The following MACROD2 variants were observed in gnomAD, a reference collection of about 807,000 sequenced individuals.
The protein encoded by MACROD2 is mono-ADP ribosylhydrolase 2, also known as ADP-ribose glycohydrolase MACROD2.
A neutral mutation model predicts 70.4 loss-of-function variants in MACROD2; 36 were observed. The ratio of observed to expected loss-of-function variants is 0.51; its 90% CI spans 0.39 to 0.68. The LOEUF (loss-of-function observed/expected upper bound fraction) is 0.68, where lower values mean the gene tolerates loss of function less well. Ranked by LOEUF, MACROD2 falls within the 30% of genes least tolerant of loss-of-function variation. The pLI is 0.00. For synonymous variants in MACROD2, 172 were observed against 178.8 expected, an observed-to-expected ratio of 0.96 and a Z score of 0.30; for missense variants, 496 against 538.4, an observed-to-expected ratio of 0.92 and a Z score of 0.78.
intron 6 of MACROD2, among the ~76,000 whole-genome samples, chr20:15,289,553 C>T (rs1033725716): frequency 6.6e-6 from 1 of 152,156 alleles, no homozygotes; most frequent in Non-Finnish European, 1.5e-5. Flanking sequence ...CAGGATGAAA[C>T]AACCGTGAAG....
At chr20:15,903,424 C>A (rs529062522) in intron 10 of MACROD2, among the ~76,000 whole-genome samples, 2 of 152,274 alleles carry the variant, frequency 1.3e-5, no homozygotes, top group South Asian at 4.2e-4. Context: ...ACAGCAGCAA[C>A]AGAGAGTGAA....
intron 7 of MACROD2, among the ~76,000 whole-genome samples, chr20:15,483,942 T>C (rs1450547077): frequency 1.3e-5 from 2 of 152,120 alleles, no homozygotes; most frequent in Non-Finnish European, 2.9e-5. Context: ...AATTGCTTAT[T>C]TTCTCCAGGA....
At chr20:15,882,971 A>G (rs189231243) in intron 9 of MACROD2, among the ~76,000 whole-genome samples, 204 of 152,066 alleles carry the variant, frequency 1.3e-3, no homozygotes, top group South Asian at 6.2e-3. Context: ...AATAGCATTG[A>G]CTACCATATG....
intron 8 of MACROD2, among the ~76,000 whole-genome samples, chr20:15,787,632 G>C (rs974217107): frequency 6.6e-6 from 1 of 152,140 alleles, no homozygotes; most frequent in Admixed American, 6.5e-5. Flanking sequence ...ACAAAGGAAT[G>C]ATTTTGATAT....
chr20:15,397,298 AT>A (rs948879465), intron 6 of MACROD2, among the ~76,000 whole-genome samples: 3 of 150,970 alleles, frequency 2.0e-5, no homozygotes, highest in Non-Finnish European at 3.0e-5. Context: ...TTTCTTTTTA[AT>A]TTTTTTTTAT....
chr20:15,129,343 A>C (rs899099818), intron 5 of MACROD2, among the ~76,000 whole-genome samples: 2 of 152,114 alleles, frequency 1.3e-5, no homozygotes, highest in Non-Finnish European at 2.9e-5. Flanking sequence ...TGGAATCCTT[A>C]GAAATACCAT....
At chr20:15,299,621 C>T (rs943375373) in intron 6 of MACROD2, among the ~76,000 whole-genome samples, 3 of 152,212 alleles carry the variant, frequency 2.0e-5, no homozygotes, top group African/African-American at 7.2e-5. Flanking sequence ...ATTTATGCTT[C>T]TGTGACCATC....
chr20:15,767,335 C>G (rs1448895295), intron 8 of MACROD2, among the ~76,000 whole-genome samples: 2 of 152,170 alleles, frequency 1.3e-5, no homozygotes, highest in Non-Finnish European at 2.9e-5. Flanking sequence ...GTTGTATAGT[C>G]TGTGCACCGC....
intron 5 of MACROD2, among the ~76,000 whole-genome samples, chr20:15,038,849 A>G (rs544509121): frequency 6.6e-6 from 1 of 152,208 alleles, no homozygotes; most frequent in Non-Finnish European, 1.5e-5. Flanking sequence ...AGGAAACATG[A>G]TATGAAGTAG....
chr20:14,231,491 A>G (rs1307988199), intron 3 of MACROD2, among the ~76,000 whole-genome samples: 1 of 152,160 alleles, frequency 6.6e-6, no homozygotes, highest in African/African-American at 2.4e-5. Flanking sequence ...ATGGCTGCAT[A>G]GTATTCCATG....
At chr20:14,528,786 C>T (rs931863674) in intron 4 of MACROD2, among the ~76,000 whole-genome samples, 2 of 152,096 alleles carry the variant, frequency 1.3e-5, no homozygotes, top group Non-Finnish European at 2.9e-5. Flanking sequence ...TCTAATCCAA[C>T]AGTAATAGAA....
intron 8 of MACROD2, among the ~76,000 whole-genome samples, chr20:15,846,917 A>ATG (rs1370957809): frequency 6.7e-4 from 3 of 4,486 alleles, no homozygotes. Context: ...AAAATTATAT[A>ATG]TATATATATA....
intron 5 of MACROD2, among the ~76,000 whole-genome samples, chr20:15,186,009 G>T (rs2076532360): frequency 6.6e-6 from 1 of 152,094 alleles, no homozygotes; most frequent in African/African-American, 2.4e-5. Context: ...AAAAGACTGG[G>T]GTATGTGTAT....
intron 4 of MACROD2, among the ~76,000 whole-genome samples, chr20:14,507,893 T>G (rs1358680612): frequency 6.6e-6 from 1 of 152,184 alleles, no homozygotes; most frequent in Non-Finnish European, 1.5e-5. Flanking sequence ...GCCTTTGTTT[T>G]ACTTAACTCA....
In MACROD2 at chr20:15,354,582, C is replaced by T. The variant is rs553403054; in HGVS notation, c.541-76823C>T. On this transcript the variant is annotated intron_variant, in intron 6 of 17. Coordinates refer to ENST00000684519, the MANE Select transcript of MACROD2 (RefSeq NM_001351661.2). ...AAACAATTTGACAACATGTTTTAAG[C>T]TGTAAATAAAATTATATCTATCGGC... Among the ~76,000 whole-genome samples the T allele has an allele frequency of 7.2e-5, 11 of 152,190 alleles. No homozygotes were observed. The South Asian group carries it at 2.3e-3, about 32-fold the overall frequency.
At chr20:15,504,286 G>A (rs1167865584) in intron 8 of MACROD2, among the ~76,000 whole-genome samples, 4 of 152,080 alleles carry the variant, frequency 2.6e-5, no homozygotes, top group South Asian at 2.1e-4. Flanking sequence ...TCAGAAACCC[G>A]AGGGGAGGAA....
intron 3 of MACROD2, among the ~76,000 whole-genome samples, chr20:14,481,576 A>G (rs1338364375): frequency 6.6e-6 from 1 of 152,188 alleles, no homozygotes; most frequent in Non-Finnish European, 1.5e-5. Context: ...TGCCTTTGAC[A>G]TTGGTGTTAA....
intron 2 of MACROD2, among the ~76,000 whole-genome samples, chr20:14,047,454 C>CAAAA (rs11479438): frequency 3.0e-5 from 3 of 99,198 alleles, no homozygotes; most frequent in African/African-American, 8.1e-5. Flanking sequence ...GACTCCGTCT[C>CAAAA]AAAAAAAAAA....
chr20:15,622,456 C>G (rs2049140907), intron 8 of MACROD2, among the ~76,000 whole-genome samples: 1 of 152,162 alleles, frequency 6.6e-6, no homozygotes, highest in South Asian at 2.1e-4. Flanking sequence ...ATACGGGTGA[C>G]TTGAACACAA....
Sources: gnomAD v4.1 joint callset for allele counts (sites outside exome capture counted in the v4.1 genomes callset) on GRCh38, gnomAD v4.1.1 for gene constraint, MANE v1.5 for transcripts, NCBI Gene and HGNC (gene_info 2026-07-23, HGNC 2026-07-21) for gene names.